Variants in TEX11 observed in about 807,000 individuals in gnomAD.
TEX11 encodes testis-expressed protein 11.
Under a neutral mutation model 84.4 loss-of-function variants are expected in TEX11, and 7 were observed. The ratio of observed to expected loss-of-function variants is 0.08; its 90% CI spans 0.05 to 0.16. TEX11 has a LOEUF of 0.16. Ranked by LOEUF, TEX11 falls within the 10% of genes least tolerant of loss-of-function variation. The pLI is 1.00. For missense variants in TEX11, 551 were observed against 660.5 expected (o/e 0.83, Z 1.82); for synonymous variants, 264 against 222.8 (o/e 1.18, Z -1.64).
chrX:70,719,408 T>C (rs1187435163), intron 13 of TEX11, among the ~76,000 whole-genome samples: 2 of 111,824 alleles, frequency 1.8e-5, no homozygotes, highest in Non-Finnish European at 3.8e-5. Flanking sequence ...TTCTATCATA[T>C]CAAAATTCTC....
intron 13 of TEX11, among the ~76,000 whole-genome samples, chrX:70,702,419 T>C (rs2090333596): frequency 8.9e-6 from 1 of 112,158 alleles, no homozygotes; most frequent in African/African-American, 3.2e-5. Context: ...TTTTAAGACA[T>C]TATGCTATTG....
intron 11 of TEX11, among the ~76,000 whole-genome samples, chrX:70,734,268 C>T (rs1025193128): frequency 4.6e-5 from 5 of 108,439 alleles, no homozygotes; most frequent in Admixed American, 2.0e-4. Context: ...CATACCTGCA[C>T]GTCGTGCACA....
At chrX:70,637,440 T>A (rs1233921406) in intron 17 of TEX11, among the ~76,000 whole-genome samples, 3 of 112,660 alleles carry the variant, frequency 2.7e-5, no homozygotes, top group Non-Finnish European at 5.6e-5. Context: ...ATATAAATCA[T>A]TCTGTTATAA....
intron 9 of TEX11, among the ~76,000 whole-genome samples, chrX:70,756,364 G>A (rs1432456811): frequency 1.8e-5 from 2 of 111,577 alleles, no homozygotes; most frequent in Non-Finnish European, 3.8e-5. Flanking sequence ...CTCCCAGTAG[G>A]GGCTAACAGA....
intron 13 of TEX11, among the ~76,000 whole-genome samples, chrX:70,713,523 A>G (rs1249593516): frequency 9.0e-6 from 1 of 111,380 alleles, no homozygotes; most frequent in Non-Finnish European, 1.9e-5. Context: ...GTCTTGGGAG[A>G]GTGTAAGTGT....
At chrX:70,720,318 A>G (rs1384927929) in intron 13 of TEX11, among the ~76,000 whole-genome samples, 2 of 110,821 alleles carry the variant, frequency 1.8e-5, no homozygotes, top group African/African-American at 6.6e-5. Flanking sequence ...GAATTGAACA[A>G]TGAGAACACT....
rs904176751 is a variant in TEX11, at chrX:70,880,059, C to T, written c.88G>A (p.Ala30Thr). 4.2e-6 allele frequency: 5 copies of T among 1,178,210 alleles called. No individual in the cohort carries two copies. The highest frequency in any genetic ancestry group is 2.3e-4 in the Middle Eastern group (1 of 4,265). ...TNDNSPNIPEAIDRLFSDIAN... is the reference protein window; with the variant it reads ...TNDNSPNIPETIDRLFSDIAN... ...ATGTCGCTGAAGAGTCTATCAATTG[C>T]CTCTGGTATGTTAGGTGAATTATCA... Residue 30 changes from alanine to threonine, a missense_variant, in exon 3 of 30, where the codon GCA becomes ACA. Ala to Thr is a moderately conservative substitution (Grantham distance 58, BLOSUM62 0). Coordinates refer to ENST00000374333, the MANE Select transcript of TEX11 (RefSeq NM_031276.3).
At chrX:70,666,979 A>T (rs1282908009) in intron 16 of TEX11, among the ~76,000 whole-genome samples, 1 of 112,257 alleles carries the variant, frequency 8.9e-6, no homozygotes, top group Non-Finnish European at 1.9e-5. Context: ...GCACTTATCA[A>T]TATTTAATAT....
intron 8 of TEX11, among the ~76,000 whole-genome samples, chrX:70,820,587 T>C (rs751249628): frequency 1.8e-5 from 2 of 111,777 alleles, no homozygotes; most frequent in African/African-American, 3.2e-5. Flanking sequence ...CTTATAATCA[T>C]GGCCAGCTTC....
chrX:70,792,975 C>T (rs1159168503), intron 9 of TEX11, among the ~76,000 whole-genome samples: 1 of 111,510 alleles, frequency 9.0e-6, no homozygotes, highest in African/African-American at 3.3e-5. Flanking sequence ...TCCAGCAACA[C>T]ATTAAAAAGT....
At chrX:70,681,556 A>T (rs2090147811) in intron 14 of TEX11, among the ~76,000 whole-genome samples, 1 of 111,958 alleles carries the variant, frequency 8.9e-6, no homozygotes, top group Admixed American at 9.5e-5. Flanking sequence ...AACATTAACA[A>T]CTATTTTATT....
At position 70,805,546 on chromosome X, in the gene TEX11, C is replaced by T. The variant is rs182548826; in HGVS notation, c.692+1159G>A. Reference sequence around the variant, plus strand: ...CTCCCGAGTAGCTGGGATTACAGGCCTGTGCCACCACACCCGCCTAATTTT... The same window carrying T: ...CTCCCGAGTAGCTGGGATTACAGGCTTGTGCCACCACACCCGCCTAATTTT... On this transcript the variant is annotated intron_variant, in intron 9 of 29. Transcript: ENST00000374333. Among the ~76,000 whole-genome samples the T allele has an allele frequency of 2.5e-3, 277 of 110,696 alleles. 1 individual carries two copies. Among genetic ancestry groups the T allele is most frequent in the Non-Finnish European group, 3.7e-3 (197 of 52,773 alleles).
chrX:70,757,024 T>C (rs755582037), intron 9 of TEX11, among the ~76,000 whole-genome samples: 2 of 112,002 alleles, frequency 1.8e-5, no homozygotes, highest in Admixed American at 9.5e-5. Context: ...ATAACAGTGA[T>C]TGAAGATCAA....
chrX:70,720,511 A>G (rs1447271608), intron 13 of TEX11, among the ~76,000 whole-genome samples: 1 of 109,867 alleles, frequency 9.1e-6, no homozygotes, highest in Non-Finnish European at 1.9e-5. Flanking sequence ...TAGAACTTAA[A>G]GTATAATAAA....
At chrX:70,811,232 G>A (rs2091252042) in intron 8 of TEX11, among the ~76,000 whole-genome samples, 1 of 105,866 alleles carries the variant, frequency 9.4e-6, no homozygotes, top group Non-Finnish European at 1.9e-5. Flanking sequence ...GTGTCCAAGT[G>A]TTCTCATTGT....
chrX:70,715,448 C>T (rs1363892046), intron 13 of TEX11, among the ~76,000 whole-genome samples: 1 of 111,909 alleles, frequency 8.9e-6, no homozygotes, highest in African/African-American at 3.3e-5. Context: ...TAGATTTGGT[C>T]TTTTCATATA....
intron 8 of TEX11, among the ~76,000 whole-genome samples, chrX:70,824,049 G>A (rs2091332148): frequency 9.0e-6 from 1 of 111,672 alleles, no homozygotes; most frequent in Non-Finnish European, 1.9e-5. Flanking sequence ...TAAATAAATA[G>A]TGTTTTAGTT....
intron 11 of TEX11, among the ~76,000 whole-genome samples, chrX:70,736,177 C>A (rs1185830316): frequency 2.7e-5 from 3 of 111,216 alleles, no homozygotes; most frequent in African/African-American, 9.8e-5. Context: ...GGTGTAGTAT[C>A]TAAGCACCTA....
intron 13 of TEX11, among the ~76,000 whole-genome samples, chrX:70,702,129 G>A (rs1296886777): frequency 1.8e-5 from 2 of 111,870 alleles, no homozygotes; most frequent in African/African-American, 6.5e-5. Flanking sequence ...TTTGCAAGAA[G>A]TTCTACTGTG....
Sources: allele counts gnomAD v4.1 joint callset (sites outside exome capture counted in the v4.1 genomes callset), GRCh38; gene constraint gnomAD v4.1.1; transcripts MANE v1.5; gene names NCBI Gene and HGNC (gene_info 2026-07-23, HGNC 2026-07-21).